Variants in ERC2 observed in about 807,000 individuals in gnomAD.
ERC2 encodes the protein ELKS/RAB6-interacting/CAST family member 2, also known as ERC protein 2.
Under a neutral mutation model 114.8 loss-of-function variants are expected in ERC2, and 42 were observed. The observed-to-expected ratio is 0.37, with a 90% confidence interval of 0.29 to 0.47. The LOEUF (loss-of-function observed/expected upper bound fraction) is 0.47. Ranked by LOEUF, ERC2 falls within the 20% of genes least tolerant of loss-of-function variation. The probability of loss-of-function intolerance (pLI) is 0.99; values close to 1 mark genes in which losing one functional copy is unlikely to be tolerated. For missense variants in ERC2, 939 were observed against 1,150.7 expected (o/e 0.82, Z 2.66); for synonymous variants, 454 against 425.5 (o/e 1.07, Z -0.82).
chr3:55,915,451 C>T (rs990618583), intron 13 of ERC2, among the ~76,000 whole-genome samples: 3 of 152,054 alleles, frequency 2.0e-5, no homozygotes, highest in African/African-American at 7.2e-5. Context: ...ATTTATAATA[C>T]ACCTTGGTTT....
chr3:56,069,618 A>C (rs1009588448), intron 7 of ERC2, among the ~76,000 whole-genome samples: 3 of 152,168 alleles, frequency 2.0e-5, no homozygotes, highest in African/African-American at 7.2e-5. Context: ...CACATACAAC[A>C]GGGAAGTGGG....
intron 3 of ERC2, among the ~76,000 whole-genome samples, chr3:56,217,601 C>T (rs2150139844): frequency 6.6e-6 from 1 of 152,258 alleles, no homozygotes; most frequent in East Asian, 1.9e-4. Flanking sequence ...CCCCATCAAG[C>T]TACCAATGAC....
At chr3:56,119,217 C>T (rs2079434126) in intron 6 of ERC2, among the ~76,000 whole-genome samples, 1 of 152,216 alleles carries the variant, frequency 6.6e-6, no homozygotes, top group Non-Finnish European at 1.5e-5. Flanking sequence ...CACAGCTTAA[C>T]ACAGACCACA....
In ERC2 at chr3:56,067,138, C is replaced by G. The variant is rs2076520699; in HGVS notation, c.1641+13679G>C. Among the ~76,000 whole-genome samples, 3 of 152,182 alleles carry G rather than the reference C, an allele frequency of 2.0e-5. No homozygotes were observed. The South Asian group carries it at 6.2e-4, about 32-fold the overall frequency. ...GGAATAGCACTGAATCTCTAAATTA[C>G]TTTGGGCAGCATGGCCATTTTCACA... On this transcript the variant is annotated intron_variant, in intron 7 of 17. Coordinates refer to ENST00000288221, the MANE Select transcript of ERC2 (RefSeq NM_015576.3).
chr3:56,234,066 G>A (rs545256364), intron 3 of ERC2, among the ~76,000 whole-genome samples: 166 of 152,240 alleles, frequency 1.1e-3, no homozygotes, highest in Middle Eastern at 3.4e-3. Flanking sequence ...AGGGAGATAC[G>A]CCTGAAAGTG....
chr3:55,614,703 C>A (rs1041796706), intron 17 of ERC2, among the ~76,000 whole-genome samples: 6 of 152,190 alleles, frequency 3.9e-5, no homozygotes, highest in African/African-American at 1.4e-4. Context: ...GATGGCCTCT[C>A]TTTAGTGCCT....
intron 17 of ERC2, among the ~76,000 whole-genome samples, chr3:55,675,937 T>TGA (rs2061786411): frequency 4.2e-5 from 5 of 119,492 alleles, no homozygotes; most frequent in African/African-American, 1.4e-4. Context: ...TTTTTTTTTT[T>TGA]GAGAGAGAGT....
chr3:55,694,414 G>A (rs1205960920), intron 16 of ERC2, among the ~76,000 whole-genome samples: 2 of 152,186 alleles, frequency 1.3e-5, no homozygotes, highest in Non-Finnish European at 2.9e-5. Context: ...AATATAAAAT[G>A]TGAAATTCAA....
intron 13 of ERC2, among the ~76,000 whole-genome samples, chr3:55,947,254 C>T (rs1482530707): frequency 6.7e-6 from 1 of 149,488 alleles, no homozygotes; most frequent in African/African-American, 2.5e-5. Flanking sequence ...CTATAGCTCC[C>T]CACCACCCTC....
chr3:56,258,421 G>A lies in ERC2; in HGVS notation c.1074+37598C>T, dbSNP rs60925298. 2.6e-3 allele frequency among the ~76,000 whole-genome samples: 393 copies of A among 152,314 alleles called. 3 individuals are homozygous for A. The highest frequency in any genetic ancestry group is 9.0e-3 in the African/African-American group (374 of 41,558). On this transcript the variant is annotated intron_variant, in intron 3 of 17. Transcript: ENST00000288221. Reference sequence around the variant, plus strand: ...GCCTGTAATCCCAGCACTTTGGGAGGTGGAGGCGGGCGGATCACGAGGTCA... The same window carrying A: ...GCCTGTAATCCCAGCACTTTGGGAGATGGAGGCGGGCGGATCACGAGGTCA...
intron 4 of ERC2, among the ~76,000 whole-genome samples, chr3:56,167,322 C>T (rs1169760475): frequency 6.6e-6 from 1 of 152,138 alleles, no homozygotes; most frequent in African/African-American, 2.4e-5. Flanking sequence ...GCTCAGTAAA[C>T]ACTGGTGTTT....
chr3:55,967,783 C>T (rs1014778184), intron 12 of ERC2, among the ~76,000 whole-genome samples: 18 of 152,118 alleles, frequency 1.2e-4, no homozygotes, highest in African/African-American at 2.4e-5. Context: ...TGCTGTTGTC[C>T]TGGGAGTGGG....
intron 13 of ERC2, among the ~76,000 whole-genome samples, chr3:55,899,996 G>A (rs1298542733): frequency 6.6e-6 from 1 of 152,144 alleles, no homozygotes; most frequent in Non-Finnish European, 1.5e-5. Flanking sequence ...GAAAAAGATG[G>A]GGCCCTCTGG....
intron 13 of ERC2, among the ~76,000 whole-genome samples, chr3:55,926,830 A>C (rs2065781338): frequency 6.6e-6 from 1 of 152,126 alleles, no homozygotes. Context: ...ATCTATGAAG[A>C]TGGGGGTCAT....
chr3:55,755,946 C>T (rs1419631949), intron 14 of ERC2, among the ~76,000 whole-genome samples: 1 of 152,086 alleles, frequency 6.6e-6, no homozygotes, highest in Non-Finnish European at 1.5e-5. Context: ...ACTAAGAGCT[C>T]AAGAGCCTTG....
intron 1 of ERC2, among the ~76,000 whole-genome samples, chr3:56,458,325 T>C (rs2063156806): frequency 6.6e-6 from 1 of 152,172 alleles, no homozygotes; most frequent in Admixed American, 6.5e-5. Flanking sequence ...AGGAGAAAGC[T>C]AGTGGCAAAG....
chr3:56,236,034 A>G (rs2050921737), intron 3 of ERC2, among the ~76,000 whole-genome samples: 1 of 152,224 alleles, frequency 6.6e-6, no homozygotes, highest in South Asian at 2.1e-4. Context: ...GTGACCAGAA[A>G]GGTGGGATCT....
chr3:56,190,721 AT>A (rs2083938776), intron 3 of ERC2, among the ~76,000 whole-genome samples: 1 of 151,976 alleles, frequency 6.6e-6, no homozygotes, highest in African/African-American at 2.4e-5. Flanking sequence ...CCACAGGTGC[AT>A]GCCACCACAC....
intron 2 of ERC2, among the ~76,000 whole-genome samples, chr3:56,425,888 C>T (rs547158014): frequency 3.3e-5 from 5 of 152,294 alleles, no homozygotes; most frequent in Admixed American, 2.6e-4. Context: ...CATCTAGAGG[C>T]AGGTCATTGC....
Sources: gnomAD v4.1 joint callset for allele counts (sites outside exome capture counted in the v4.1 genomes callset) on GRCh38, gnomAD v4.1.1 for gene constraint, MANE v1.5 for transcripts, NCBI Gene and HGNC (gene_info 2026-07-23, HGNC 2026-07-21) for gene names.